The following CR1 variants were observed in gnomAD, a reference collection of about 807,000 sequenced individuals.
CR1 encodes complement receptor type 1.
In CR1, 116 loss-of-function variants were observed where a neutral mutation model predicts 187.3. That is an observed-to-expected ratio of 0.62 (90% CI 0.53 to 0.72). The LOEUF is 0.72. CR1 is among the 30% of genes least tolerant of loss of function. The pLI is 0.00. For missense variants in CR1, 1,731 were observed against 2,110.7 expected, an observed-to-expected ratio of 0.82 and a Z score of 3.52; for synonymous variants, 576 against 747.1, an observed-to-expected ratio of 0.77 and a Z score of 3.73.
intron 42 of CR1, among the ~76,000 whole-genome samples, chr1:207,618,664 T>C (rs561286094): frequency 1.3e-5 from 2 of 152,256 alleles, no homozygotes; most frequent in East Asian, 3.9e-4. Context: ...TTTGAGACTA[T>C]TACAACTGAA....
intron 40 of CR1, among the ~76,000 whole-genome samples, chr1:207,615,123 T>A (rs1248615660): frequency 6.6e-6 from 1 of 152,216 alleles, no homozygotes; most frequent in Non-Finnish European, 1.5e-5. Context: ...TTTTATGTTC[T>A]TTTATCCCCT....
At chr1:207,579,610 T>G (rs1660875159) in intron 29 of CR1, among the ~76,000 whole-genome samples, 1 of 152,198 alleles carries the variant, frequency 6.6e-6, no homozygotes. Context: ...CCTGGAAAGT[T>G]CTAAATAACT....
chr1:207,581,869 G>A, intron 31 of CR1, 49 bp from the exon 32 acceptor site: 1 of 1,286,466 alleles, frequency 7.8e-7, no homozygotes, highest in Non-Finnish European at 1.1e-6. Context: ...GTCACGAAGG[G>A]AAGAGAGAAA....
At chr1:207,502,072 G>A (rs1460839769) in intron 1 of CR1, among the ~76,000 whole-genome samples, 3 of 152,052 alleles carry the variant, frequency 2.0e-5, no homozygotes, top group Non-Finnish European at 4.4e-5. Context: ...AGTTTTATAA[G>A]TAATTCTTCA....
rs550465099 is a variant in CR1, at chr1:207,618,347, A to G, written c.7066+100A>G. On this transcript the variant is annotated intron_variant, in intron 42 of 46. Coordinates refer to ENST00000367049, the MANE Select transcript of CR1 (RefSeq NM_000651.6). ...TTGAAATGAGCTTAATGAAAGGGAT[A>G]ATATTTTTTTCTTCTCGGCAACTGC... The G allele has an allele frequency of 5.3e-6, 6 of 1,124,554 alleles. No individual in the cohort carries two copies. In the African/African-American group the frequency reaches 6.3e-5, roughly 12 times the overall value. The allele number at this position is 1,124,554 out of a possible 1,614,324, so 69.7% of individuals were successfully genotyped here.
At chr1:207,584,285 G>A (rs922813838) in intron 32 of CR1, among the ~76,000 whole-genome samples, 2 of 152,152 alleles carry the variant, frequency 1.3e-5, no homozygotes, top group Non-Finnish European at 2.9e-5. Flanking sequence ...AACAGTACTT[G>A]ACATACAGCA....
chr1:207,616,075 G>T (rs1375646629), intron 40 of CR1, among the ~76,000 whole-genome samples: 1 of 152,136 alleles, frequency 6.6e-6, no homozygotes, highest in Non-Finnish European at 1.5e-5. Context: ...GGTGTCTGAT[G>T]ACACCACTGG....
At chr1:207,509,936 C>T (rs957511492) in intron 3 of CR1, among the ~76,000 whole-genome samples, 5 of 151,976 alleles carry the variant, frequency 3.3e-5, no homozygotes, top group Non-Finnish European at 5.9e-5. Flanking sequence ...AAAATAAGGC[C>T]GGGTGTGCTG....
intron 29 of CR1, among the ~76,000 whole-genome samples, chr1:207,578,717 T>G (rs1159096371): frequency 2.0e-5 from 3 of 152,268 alleles, no homozygotes. Context: ...AGAGTCTGAA[T>G]GTTTTGGCTC....
intron 35 of CR1, among the ~76,000 whole-genome samples, chr1:207,596,606 C>T (rs1312025059): frequency 1.3e-5 from 2 of 151,828 alleles, no homozygotes; most frequent in Admixed American, 6.6e-5. Context: ...AAGAGCGAAA[C>T]TCTGTCTCAA....
intron 27 of CR1, 22 bp from the exon 28 acceptor site, chr1:207,575,573 A>G (rs1357635631): frequency 5.6e-6 from 9 of 1,611,730 alleles, no homozygotes; most frequent in Non-Finnish European, 7.6e-6. Context: ...CAGGACAATG[A>G]TTTTCCATTT....
At chr1:207,514,994 T>TATACAC (rs1553287769) in intron 4 of CR1, among the ~76,000 whole-genome samples, 214 of 119,562 alleles carry the variant, frequency 1.8e-3, no homozygotes, top group African/African-American at 5.4e-3. Context: ...TATATATATA[T>TATACAC]ACACACACAC....
At chr1:207,567,800 T>G in intron 24 of CR1, 24 bp from the exon 25 acceptor site, 2 of 1,611,068 alleles carry the variant, frequency 1.2e-6, no homozygotes, top group Non-Finnish European at 1.7e-6. Flanking sequence ...TGAATGAAAC[T>G]TAGAGCTTTT....
chr1:207,524,726 G>C (rs1362863422), intron 5 of CR1, among the ~76,000 whole-genome samples: 5 of 151,762 alleles, frequency 3.3e-5, no homozygotes, highest in South Asian at 4.2e-4. Context: ...AGACACATCA[G>C]ATAACATTCT....
At chr1:207,508,347 C>A (rs770083613) in intron 3 of CR1, among the ~76,000 whole-genome samples, 10 of 152,158 alleles carry the variant, frequency 6.6e-5, no homozygotes, top group Non-Finnish European at 1.5e-4. Context: ...AAACGTACCA[C>A]CCTGGTGAAA....
Position 207,565,930 on chromosome 1 carries a change from A to T in CR1, c.3952+7A>T. On this transcript the variant is annotated splice_region_variant and intron_variant, in intron 24 of 46. Transcript: ENST00000367049. ...AGTGTTCCAGTGTGTGAACGTGAGT[A>T]ATAGGAGCAACATTTCAGGCCAATC... The T allele has an allele frequency of 6.2e-7, 1 of 1,611,120 alleles. No individual in the cohort carries two copies. The highest frequency in any genetic ancestry group is 8.5e-7 in the Non-Finnish European group (1 of 1,179,704).
chr1:207,577,637 G>A (rs1285769897), intron 28 of CR1, among the ~76,000 whole-genome samples, 168 bp from the exon 29 acceptor site: 1 of 152,152 alleles, frequency 6.6e-6, no homozygotes, highest in Non-Finnish European at 1.5e-5. Context: ...AGACATGGTG[G>A]TGCATGCCTG....
At chr1:207,504,417 C>A (rs771807028) in intron 1 of CR1, among the ~76,000 whole-genome samples, 1 of 151,422 alleles carries the variant, frequency 6.6e-6, no homozygotes, top group Non-Finnish European at 1.5e-5. Flanking sequence ...ATCCTAATAA[C>A]CTCAAAATAT....
chr1:207,610,113 GA>G (rs1446081091), intron 37 of CR1, among the ~76,000 whole-genome samples: 1 of 152,028 alleles, frequency 6.6e-6, no homozygotes, highest in Admixed American at 6.6e-5. Flanking sequence ...GAGCCATGAG[GA>G]CCAAAATGAG....
Sources: allele counts gnomAD v4.1 joint callset (sites outside exome capture counted in the v4.1 genomes callset), GRCh38; gene constraint gnomAD v4.1.1; transcripts MANE v1.5; gene names NCBI Gene and HGNC (gene_info 2026-07-23, HGNC 2026-07-21).